Variants in C10orf71 observed in about 807,000 individuals in gnomAD.
C10orf71 encodes the protein cardiac-enriched FHL2-interacting protein.
For synonymous variants in C10orf71, 758 were observed against 726.3 expected, an observed-to-expected ratio of 1.04 and a Z score of -0.70; for missense variants, 1,869 against 1,804.5, an observed-to-expected ratio of 1.04 and a Z score of -0.65.
At chr10:49,319,882 C>A (rs537018014) in intron 2 of C10orf71, among the ~76,000 whole-genome samples, 1 of 151,952 alleles carries the variant, frequency 6.6e-6, no homozygotes, top group South Asian at 2.1e-4. Context: ...AGAAATAAGC[C>A]AGTCACAGAA....
intron 1 of C10orf71, among the ~76,000 whole-genome samples, chr10:49,306,452 T>C (rs1848815314): frequency 6.6e-6 from 1 of 152,250 alleles, no homozygotes; most frequent in Admixed American, 6.5e-5. Flanking sequence ...GCCTATTTGA[T>C]GACTCTCATG....
intron 1 of C10orf71, among the ~76,000 whole-genome samples, chr10:49,301,847 G>T (rs117573701): frequency 1.3e-5 from 2 of 152,204 alleles, no homozygotes; most frequent in Non-Finnish European, 2.9e-5. Flanking sequence ...GGAAAGGGAC[G>T]TTCTTCTGGG....
Position 49,325,244 on chromosome 10 carries a change from G to A in C10orf71, c.2699G>A (p.Gly900Asp), listed in dbSNP as rs767292538. ...GAGGAATTGCCAAGGCCAGAATGGG[G>A]TGAGGATCCTGGGTTTTGTGCCCCC... ...KEEELPRPEWGEDPGFCAPEN... is the reference protein window; with the variant it reads ...KEEELPRPEWDEDPGFCAPEN... Residue 900 changes from glycine (G) to aspartate (D), a missense_variant, in exon 3 of 3, where the codon GGT becomes GAT. Transcript: ENST00000374144. The A allele has an allele frequency of 9.4e-5, 146 of 1,551,868 alleles. 1 individual carries two copies. The Middle Eastern group carries it at 6.3e-3, about 67-fold the overall frequency.
chr10:49,320,991 C>T (rs1427628327), intron 2 of C10orf71, among the ~76,000 whole-genome samples: 6 of 152,124 alleles, frequency 3.9e-5, no homozygotes, highest in Non-Finnish European at 4.4e-5. Context: ...AAGCCATCAC[C>T]ACAATCCATG....
intron 1 of C10orf71, among the ~76,000 whole-genome samples, chr10:49,302,837 G>T (rs919414861): frequency 6.6e-6 from 1 of 152,130 alleles, no homozygotes; most frequent in Non-Finnish European, 1.5e-5. Flanking sequence ...TCCACACTGC[G>T]CTTGGAAGCC....
At position 49,324,104 on chromosome 10, in the gene C10orf71, T is replaced by C; in HGVS notation, c.1559T>C (p.Leu520Ser). The C allele has an allele frequency of 6.2e-7, 1 of 1,613,868 alleles. No homozygotes were observed. Among genetic ancestry groups the C allele is most frequent in the Non-Finnish European group, 8.5e-7 (1 of 1,179,882 alleles). Residue 520 changes from leucine to serine, a missense_variant, in exon 3 of 3, where the codon TTG becomes TCG. By Grantham distance (145) the Leu-to-Ser change is moderately radical. Transcript: ENST00000374144. ...VKSTYSSSPLLKVLDEKTRGK... is the reference protein window; with the variant it reads ...VKSTYSSSPLSKVLDEKTRGK... Reference sequence around the variant, plus strand: ...AGCACATACAGTTCCTCACCTCTCTTGAAAGTGCTTGATGAGAAAACTAGA... The same window carrying C: ...AGCACATACAGTTCCTCACCTCTCTCGAAAGTGCTTGATGAGAAAACTAGA...
chr10:49,311,402 G>A (rs1848912038), intron 1 of C10orf71, among the ~76,000 whole-genome samples: 1 of 152,230 alleles, frequency 6.6e-6, no homozygotes, highest in Non-Finnish European at 1.5e-5. Context: ...GGAGCCCCGA[G>A]GAAGACAAGG....
rs1564689987 is a variant in C10orf71, at chr10:49,323,187, G to T, written c.642G>T (p.Arg214Ser). ...ATCAGAACAGCTACCAGCCAGGCAG[G>T]AAGCACGGAGAACAGGAGTCCTCCA... is the stretch of plus-strand genomic sequence containing the variant. ...NTHQNSYQPGRKHGEQESSKN... is the reference protein window; with the variant it reads ...NTHQNSYQPGSKHGEQESSKN... The change falls in exon 3 of 3, where the codon AGG (arginine) becomes AGT (serine). Residue 214 changes from arginine to serine, a missense_variant. Transcript: ENST00000374144. The T allele has an allele frequency of 1.2e-6, 2 of 1,613,966 alleles. No individual in the cohort carries two copies. The highest frequency in any genetic ancestry group is 4.5e-5 in the East Asian group (2 of 44,868).
intron 1 of C10orf71, among the ~76,000 whole-genome samples, chr10:49,312,667 C>T (rs1023393820): frequency 2.0e-5 from 3 of 152,142 alleles, no homozygotes; most frequent in Admixed American, 6.5e-5. Context: ...TTTCATCTCC[C>T]CCTGACAGAA....
chr10:49,323,968 C>T lies in C10orf71; in HGVS notation c.1423C>T (p.Leu475=), dbSNP rs910744966. ...AERTPSPPGQ[L]NGYQEKEPSE... ...GCGAACCCCATCACCCCCAGGACAGCTAAACGGATACCAAGAGAAGGAGCC... is the reference window on the plus strand; with the variant it reads ...GCGAACCCCATCACCCCCAGGACAGTTAAACGGATACCAAGAGAAGGAGCC... The change falls in exon 3 of 3, where the codon CTA becomes TTA. Residue 475 remains leucine, a synonymous_variant. Transcript: ENST00000374144. 16 of 1,613,620 alleles carry T rather than the reference C, an allele frequency of 9.9e-6. No individual in the cohort carries two copies. The highest frequency in any genetic ancestry group is 1.4e-5 in the Non-Finnish European group (16 of 1,179,792).
In C10orf71 at chr10:49,325,390, G is replaced by A. The variant is rs555461817; in HGVS notation, c.2845G>A (p.Ala949Thr). The change falls in exon 3 of 3, where the codon GCC becomes ACC. Residue 949 changes from alanine to threonine, a missense_variant. Ala to Thr is a moderately conservative substitution (Grantham distance 58, BLOSUM62 0). Coordinates refer to ENST00000374144, the MANE Select transcript of C10orf71 (RefSeq NM_001135196.2). ...GGGGTCGAGCATGGCCAGGATGGAGGCCTCTCAGCCAGCCCCAAAGGGGAA... is the reference window on the plus strand; with the variant it reads ...GGGGTCGAGCATGGCCAGGATGGAGACCTCTCAGCCAGCCCCAAAGGGGAA... ...GQGSSMARME[A>T]SQPAPKGNFP... The A allele has an allele frequency of 6.0e-5, 93 of 1,551,016 alleles. No homozygotes were observed. In the African/African-American group the frequency reaches 1.1e-3, roughly 18 times the overall value.
At position 49,310,802 on chromosome 10, in the gene C10orf71, G is replaced by A. The variant is rs72792839; in HGVS notation, c.-247-5343G>A. Among the ~76,000 whole-genome samples, 248 of 55,254 alleles carry A rather than the reference G, an allele frequency of 4.5e-3. 1 individual carries two copies. Among genetic ancestry groups the A allele is most frequent in the East Asian group, 0.018 (30 of 1,656 alleles). The allele number at this position is 55,254 out of a possible 152,430, so 36.2% of individuals were successfully genotyped here. ...GATGATGATGATGATGATGATGATG[G>A]TGATGATGATGATGATGAAGAAGAA... On this transcript the variant is annotated intron_variant, in intron 1 of 2. Transcript: ENST00000374144.
intron 1 of C10orf71, among the ~76,000 whole-genome samples, chr10:49,303,952 G>A (rs1434025512): frequency 2.0e-5 from 3 of 152,188 alleles, no homozygotes; most frequent in Non-Finnish European, 2.9e-5. Flanking sequence ...GCAGAGACAG[G>A]AGAAGGCCAG....
At chr10:49,303,129 G>T (rs1323847165) in intron 1 of C10orf71, among the ~76,000 whole-genome samples, 1 of 152,126 alleles carries the variant, frequency 6.6e-6, no homozygotes, top group Non-Finnish European at 1.5e-5. Context: ...AGTCACCAAG[G>T]AGAAAGTCCT....
chr10:49,297,632 C>T (rs1848659358), upstream of C10orf71, among the ~76,000 whole-genome samples: 1 of 152,202 alleles, frequency 6.6e-6, no homozygotes, highest in Admixed American at 6.5e-5. Context: ...CTGAATCCCA[C>T]AGAGCACAGG....
chr10:49,315,720 T>C (rs1848989170), intron 1 of C10orf71, among the ~76,000 whole-genome samples: 1 of 152,256 alleles, frequency 6.6e-6, no homozygotes, highest in Non-Finnish European at 1.5e-5. Context: ...GGATTGTTTT[T>C]CATTTTTGAA....
At chr10:49,304,053 T>C (rs1848772089) in intron 1 of C10orf71, among the ~76,000 whole-genome samples, 1 of 152,154 alleles carries the variant, frequency 6.6e-6, no homozygotes, top group Non-Finnish European at 1.5e-5. Flanking sequence ...GCACACAGCT[T>C]TGTGGCTTCC....
In C10orf71 at chr10:49,299,214, C is replaced by T. The variant is rs180859964; in HGVS notation, c.-267C>T. On this transcript the variant is annotated 5_prime_UTR_variant, in exon 1 of 3. Coordinates refer to ENST00000374144, the MANE Select transcript of C10orf71 (RefSeq NM_001135196.2). The stretch of plus-strand genomic sequence containing the variant: ...CACCAAGAACACCATTTGGTTTCCC[C>T]CGGCTGGGTCTCTATTTAGGTAAGC... 3.9e-5 allele frequency: 6 copies of T among 152,306 alleles called. No individual in the cohort carries two copies. Among genetic ancestry groups the T allele is most frequent in the Non-Finnish European group, 8.8e-5 (6 of 68,072 alleles). 9.4% of individuals were successfully genotyped at this position (152,306 alleles called of 1,614,324 possible).
Position 49,325,384 on chromosome 10 carries a change from A to T in C10orf71, c.2839A>T (p.Met947Leu). Residue 947 changes from methionine to leucine, a missense_variant, in exon 3 of 3, where the codon ATG becomes TTG. Physicochemically the swap from Met to Leu is conservative, Grantham distance 15. Transcript: ENST00000374144. ...TGGGCAGGGGTCGAGCATGGCCAGG[A>T]TGGAGGCCTCTCAGCCAGCCCCAAA... is the stretch of plus-strand genomic sequence containing the variant. ...DPGQGSSMARMEASQPAPKGN... is the reference protein window; with the variant it reads ...DPGQGSSMARLEASQPAPKGN... 6.4e-7 allele frequency: 1 copy of T among 1,551,324 alleles called. No homozygotes were observed. The highest frequency in any genetic ancestry group is 8.7e-7 in the Non-Finnish European group (1 of 1,146,714).
Sources: allele counts gnomAD v4.1 joint callset (sites outside exome capture counted in the v4.1 genomes callset), GRCh38; gene constraint gnomAD v4.1.1; transcripts MANE v1.5; gene names NCBI Gene and HGNC (gene_info 2026-07-23, HGNC 2026-07-21).